Variants in GP9 observed in about 807,000 individuals in gnomAD.
GP9 encodes glycoprotein IX platelet.
For missense variants in GP9, 228 were observed against 241.8 expected (o/e 0.94, Z 0.38); for synonymous variants, 116 against 116.7 (o/e 0.99, Z 0.04).
upstream of GP9, among the ~76,000 whole-genome samples, chr3:129,059,833 C>T (rs921101234): frequency 2.0e-5 from 3 of 152,208 alleles, no homozygotes; most frequent in African/African-American, 7.2e-5. Context: ...CACCCCCACC[C>T]CCGTAGGGCC....
In GP9 at chr3:129,061,787, C is replaced by T; in HGVS notation, c.48C>T (p.Ala16=). ...TCCTGCTCTGGGCCACAGCAGAGGC[C>T]ACCAAGGACTGCCCCAGCCCATGTA... ...ALFLLWATAE[A]TKDCPSPCTC... is the part of the protein sequence containing the mutation. The change falls in exon 3 of 3, where the codon GCC becomes GCT. Residue 16 remains alanine (A), a synonymous_variant. Coordinates refer to ENST00000307395, the MANE Select transcript of GP9 (RefSeq NM_000174.5). 1 of 1,613,150 alleles carries T rather than the reference C, an allele frequency of 6.2e-7. No individual in the cohort carries two copies. The highest frequency in any genetic ancestry group is 8.5e-7 in the Non-Finnish European group (1 of 1,179,740).
At position 129,062,197 on chromosome 3, in the gene GP9, C is replaced by G; in HGVS notation, c.458C>G (p.Ala153Gly). Residue 153 changes from alanine to glycine, a missense_variant, in exon 3 of 3, where the codon GCG becomes GGG. Physicochemically the swap from Ala to Gly is moderately conservative, Grantham distance 60 (BLOSUM62 0). Coordinates refer to ENST00000307395, the MANE Select transcript of GP9 (RefSeq NM_000174.5). ...CGCCCGGGGGTCTTGTGGGACGTGG[C>G]GCTGGTCGCCGTGGCCGCGCTGGGC... ...WVRPGVLWDV[A>G]LVAVAALGLA... 6.4e-7 allele frequency: 1 copy of G among 1,568,780 alleles called. No individual in the cohort carries two copies. Among genetic ancestry groups the G allele is most frequent in the Non-Finnish European group, 8.6e-7 (1 of 1,161,416 alleles).
chr3:129,061,680 G>T, intron 2 of GP9, 48 bp from the exon 3 acceptor site: 3 of 1,440,424 alleles, frequency 2.1e-6, no homozygotes, highest in Non-Finnish European at 2.9e-6. Context: ...CGTCCCTGAG[G>T]ATCGGTCCAG....
chr3:129,062,120 G>A lies in GP9; in HGVS notation c.381G>A (p.Leu127=). ...SLAAHGPLGR[L]TGYQLGSCGW... Reference sequence around the variant, plus strand: ...CTGCCCATGGCCCGCTGGGCCGGCTGACAGGCTACCAGCTGGGCAGCTGTG... The same window carrying A: ...CTGCCCATGGCCCGCTGGGCCGGCTAACAGGCTACCAGCTGGGCAGCTGTG... The change falls in exon 3 of 3, where the codon CTG becomes CTA. Residue 127 remains leucine, a synonymous_variant. Coordinates refer to ENST00000307395, the MANE Select transcript of GP9 (RefSeq NM_000174.5). 6.3e-7 allele frequency: 1 copy of A among 1,596,136 alleles called. No homozygotes were observed. The highest frequency in any genetic ancestry group is 1.7e-4 in the Middle Eastern group (1 of 6,010).
chr3:129,060,435 G>C (rs952554024), upstream of GP9, among the ~76,000 whole-genome samples: 2 of 152,242 alleles, frequency 1.3e-5, no homozygotes, highest in African/African-American at 2.4e-5. Flanking sequence ...AGGCAGGACC[G>C]GTCACTGCTC....
upstream of GP9, among the ~76,000 whole-genome samples, chr3:129,060,365 C>T (rs1406547071): frequency 1.3e-5 from 2 of 152,264 alleles, no homozygotes; most frequent in Admixed American, 1.3e-4. Flanking sequence ...AATGAAGTCA[C>T]TCTCCCCACC....
chr3:129,058,957 T>C (rs1946547260), upstream of GP9, among the ~76,000 whole-genome samples: 1 of 152,238 alleles, frequency 6.6e-6, no homozygotes, highest in Non-Finnish European at 1.5e-5. Context: ...CAGGGCTGCA[T>C]TCCTCTCTGG....
chr3:129,057,185 G>A (rs1162846894), upstream of GP9, among the ~76,000 whole-genome samples: 4 of 152,314 alleles, frequency 2.6e-5, no homozygotes, highest in African/African-American at 9.6e-5. Context: ...AATGGGAGGA[G>A]ACATTTAATA....
upstream of GP9, among the ~76,000 whole-genome samples, chr3:129,059,473 G>A (rs958471477): frequency 6.6e-6 from 1 of 152,210 alleles, no homozygotes; most frequent in Admixed American, 6.5e-5. Flanking sequence ...CAGACAGGCT[G>A]AGGCTCCTCT....
rs1289072506 is a variant in GP9, at chr3:129,061,626, G to A, written c.-13+7G>A. ...CTGAGACCCGAGAAGGGAGGTGAGTGCACCCCGTCCCATGTCAGGCTCCGC... is the reference window on the plus strand; with the variant it reads ...CTGAGACCCGAGAAGGGAGGTGAGTACACCCCGTCCCATGTCAGGCTCCGC... On this transcript the variant is annotated splice_region_variant and intron_variant, in intron 2 of 2. Transcript: ENST00000307395. The A allele has an allele frequency of 6.9e-6, 6 of 869,622 alleles. No individual in the cohort carries two copies. Among genetic ancestry groups the A allele is most frequent in the Non-Finnish European group, 1.1e-5 (6 of 541,426 alleles). 53.9% of individuals were successfully genotyped at this position (869,622 alleles called of 1,614,324 possible).
At chr3:129,057,705 A>G (rs1051863979), upstream of GP9, among the ~76,000 whole-genome samples, 1 of 152,208 alleles carries the variant, frequency 6.6e-6, no homozygotes, top group Non-Finnish European at 1.5e-5. Context: ...TGGGTTGGAC[A>G]GCAAGTAGAA....
upstream of GP9, among the ~76,000 whole-genome samples, chr3:129,058,493 G>A (rs909477477): frequency 3.3e-5 from 5 of 152,190 alleles, no homozygotes; most frequent in Non-Finnish European, 5.9e-5. Flanking sequence ...GAAGCTGGCA[G>A]ACACCAGAAA....
chr3:129,061,087 G>A (rs992339621), intron 1 of GP9, among the ~76,000 whole-genome samples: 5 of 152,322 alleles, frequency 3.3e-5, no homozygotes, highest in African/African-American at 7.2e-5. Context: ...AGAGGGCCAC[G>A]GTTGCCGAGA....
In GP9 at chr3:129,062,289, C is replaced by A; in HGVS notation, c.*16C>A. ...CCTGGATTGAGCCAGGCCCCCAGAA[C>A]CCCTGGCTCCAGGCCAGGGGGCCAG... On this transcript the variant is annotated 3_prime_UTR_variant, in exon 3 of 3. Coordinates refer to ENST00000307395, the MANE Select transcript of GP9 (RefSeq NM_000174.5). 1 of 1,530,556 alleles carries A rather than the reference C, an allele frequency of 6.5e-7. No individual in the cohort carries two copies. Among genetic ancestry groups the A allele is most frequent in the Non-Finnish European group, 8.8e-7 (1 of 1,132,888 alleles). 94.8% of individuals were successfully genotyped at this position (1,530,556 alleles called of 1,614,324 possible). A position where few individuals can be genotyped will look rare whatever the true frequency, so the allele number is the denominator to read the frequency against.
At position 129,062,117 on chromosome 3, in the gene GP9, G is replaced by A; in HGVS notation, c.378G>A (p.Arg126=). 3 of 1,596,146 alleles carry A rather than the reference G, an allele frequency of 1.9e-6. No homozygotes were observed. Among genetic ancestry groups the A allele is most frequent in the Non-Finnish European group, 2.6e-6 (3 of 1,173,122 alleles). ...PSLAAHGPLG[R]LTGYQLGSCG... ...TCGCTGCCCATGGCCCGCTGGGCCG[G>A]CTGACAGGCTACCAGCTGGGCAGCT... The change falls in exon 3 of 3, where the codon CGG becomes CGA. Residue 126 remains arginine, a synonymous_variant. Transcript: ENST00000307395.
chr3:129,059,954 C>A (rs999091994), upstream of GP9, among the ~76,000 whole-genome samples: 2 of 152,162 alleles, frequency 1.3e-5, no homozygotes, highest in Non-Finnish European at 2.9e-5. Context: ...TGTTTTTACC[C>A]TGTTTTATTT....
In GP9 at chr3:129,062,029, G is replaced by A. The variant is rs146025958; in HGVS notation, c.290G>A (p.Arg97His). 1.1e-4 allele frequency: 184 copies of A among 1,613,308 alleles called. No individual in the cohort carries two copies. The highest frequency in any genetic ancestry group is 8.4e-5 in the Non-Finnish European group (99 of 1,179,828). ...TGTGACTGCAGCCTCACCTATCTGC[G>A]CCTCTGGCTGGAGGACCGCACGCCC... is the stretch of plus-strand genomic sequence containing the variant. Reference protein sequence around the residue: ...WHCDCSLTYLRLWLEDRTPEA... With the variant: ...WHCDCSLTYLHLWLEDRTPEA... Residue 97 changes from arginine to histidine, a missense_variant, in exon 3 of 3, where the codon CGC (arginine) becomes CAC (histidine). Transcript: ENST00000307395.
chr3:129,060,022 C>T (rs959007070), upstream of GP9, among the ~76,000 whole-genome samples: 1 of 152,184 alleles, frequency 6.6e-6, no homozygotes, highest in African/African-American at 2.4e-5. Flanking sequence ...GGCACGGTCT[C>T]GGCTCACTGC....
In GP9 at chr3:129,062,274, G is replaced by A. The variant is rs1946589323; in HGVS notation, c.*1G>A. On this transcript the variant is annotated 3_prime_UTR_variant, in exon 3 of 3. Coordinates refer to ENST00000307395, the MANE Select transcript of GP9 (RefSeq NM_000174.5). ...TGCCACCACAGAGGCCCTGGATTGA[G>A]CCAGGCCCCCAGAACCCCTGGCTCC... 1.3e-6 allele frequency: 2 copies of A among 1,543,994 alleles called. No individual in the cohort carries two copies. The highest frequency in any genetic ancestry group is 1.2e-5 in the South Asian group (1 of 83,964).
Sources: allele counts gnomAD v4.1 joint callset (sites outside exome capture counted in the v4.1 genomes callset), GRCh38; gene constraint gnomAD v4.1.1; transcripts MANE v1.5; gene names NCBI Gene and HGNC (gene_info 2026-07-23, HGNC 2026-07-21).